The following DGKH variants were observed in gnomAD, a reference collection of about 807,000 sequenced individuals.
The protein encoded by DGKH is diacylglycerol kinase eta.
Under a neutral mutation model 159.3 loss-of-function variants are expected in DGKH, and 90 were observed. That is an observed-to-expected ratio of 0.57 (90% confidence interval 0.48 to 0.67). The LOEUF is 0.67. DGKH is among the 30% of genes least tolerant of loss of function. The probability of loss-of-function intolerance (pLI) is 0.00; values close to 1 mark genes in which losing one functional copy is unlikely to be tolerated. For missense variants in DGKH, 1,181 were observed against 1,506.1 expected (o/e 0.78, Z 3.57); for synonymous variants, 536 against 553.8 (o/e 0.97, Z 0.45).
intron 29 of DGKH, among the ~76,000 whole-genome samples, chr13:42,251,921 G>A (rs574889080): frequency 6.6e-6 from 1 of 152,320 alleles, no homozygotes; most frequent in African/African-American, 2.4e-5. Flanking sequence ...CAGAGAGCAT[G>A]TATTATTCAT....
intron 20 of DGKH, 138 bp downstream of exon 20, chr13:42,200,047 C>T (rs1957310122): frequency 1.5e-6 from 1 of 685,482 alleles, no homozygotes. Flanking sequence ...TGATTATCAA[C>T]TTTGTACTAA....
chr13:42,071,411 C>A (rs1185020417), intron 1 of DGKH, among the ~76,000 whole-genome samples: 1 of 152,182 alleles, frequency 6.6e-6, no homozygotes, highest in Non-Finnish European at 1.5e-5. Flanking sequence ...AAATGACATA[C>A]TATGCACTCA....
chr13:42,095,033 A>G (rs1248234321), intron 1 of DGKH, among the ~76,000 whole-genome samples: 1 of 152,044 alleles, frequency 6.6e-6, no homozygotes, highest in African/African-American at 2.4e-5. Flanking sequence ...TGAAGGGGCC[A>G]TGGAAGGAGC....
At chr13:42,052,126 C>T (rs1881369641) in intron 1 of DGKH, among the ~76,000 whole-genome samples, 1 of 152,160 alleles carries the variant, frequency 6.6e-6, no homozygotes, top group Admixed American at 6.5e-5. Flanking sequence ...TAGGACAATG[C>T]ACTAATCTCA....
chr13:42,214,381 A>G (rs1318278694), intron 24 of DGKH, 126 bp from the exon 25 acceptor site: 4 of 757,048 alleles, frequency 5.3e-6, no homozygotes, highest in Non-Finnish European at 8.0e-6. Context: ...GCAGCCATTA[A>G]AAGTGTTCTT....
At chr13:42,091,963 T>C (rs997509587) in intron 1 of DGKH, among the ~76,000 whole-genome samples, 5 of 152,174 alleles carry the variant, frequency 3.3e-5, no homozygotes, top group African/African-American at 9.7e-5. Context: ...AGTTCTTTTT[T>C]AGTTTTTTGA....
At chr13:42,113,305 C>G (rs1460111435) in intron 1 of DGKH, among the ~76,000 whole-genome samples, 1 of 152,146 alleles carries the variant, frequency 6.6e-6, no homozygotes, top group Non-Finnish European at 1.5e-5. Flanking sequence ...GTACAATAGT[C>G]TTTTAAGCCT....
At chr13:42,132,986 G>T (rs1052938162) in intron 3 of DGKH, among the ~76,000 whole-genome samples, 3 of 151,966 alleles carry the variant, frequency 2.0e-5, no homozygotes, top group African/African-American at 7.2e-5. Flanking sequence ...GGCTAACACG[G>T]TGAAACCCCG....
chr13:42,062,295 C>G (rs543423187), intron 1 of DGKH, among the ~76,000 whole-genome samples: 211 of 152,178 alleles, frequency 1.4e-3, no homozygotes, highest in African/African-American at 4.5e-3. Flanking sequence ...TATTTATATA[C>G]CATTATTTCC....
At chr13:42,172,417 G>T (rs1195696016) in intron 11 of DGKH, among the ~76,000 whole-genome samples, 2 of 152,142 alleles carry the variant, frequency 1.3e-5, no homozygotes, top group Admixed American at 1.3e-4. Flanking sequence ...GGGAAGAGTT[G>T]AATAGTAGCT....
chr13:42,159,443 AG>A, intron 6 of DGKH, 71 bp downstream of exon 6: 1 of 1,075,848 alleles, frequency 9.3e-7, no homozygotes, highest in Non-Finnish European at 1.4e-6. Context: ...GTGGAAGCTG[AG>A]AAAGATAAGT....
At chr13:42,141,730 T>C (rs1955567072) in intron 3 of DGKH, among the ~76,000 whole-genome samples, 1 of 152,210 alleles carries the variant, frequency 6.6e-6, no homozygotes, top group African/African-American at 2.4e-5. Flanking sequence ...ATCCTTCACC[T>C]ACTTTTTGAT....
At chr13:42,055,950 G>A (rs1881726198) in intron 1 of DGKH, among the ~76,000 whole-genome samples, 1 of 152,150 alleles carries the variant, frequency 6.6e-6, no homozygotes, top group Non-Finnish European at 1.5e-5. Flanking sequence ...AAGAGTCTGA[G>A]ACAAACTTTA....
intron 1 of DGKH, among the ~76,000 whole-genome samples, chr13:42,084,647 T>G: frequency 6.6e-6 from 1 of 152,316 alleles, no homozygotes; most frequent in Middle Eastern, 3.4e-3. Flanking sequence ...CTTTATATTT[T>G]TAGAATATAA....
chr13:42,121,000 T>C (rs2137825146), intron 1 of DGKH, among the ~76,000 whole-genome samples: 1 of 152,016 alleles, frequency 6.6e-6, no homozygotes, highest in East Asian at 1.9e-4. Context: ...CCAGAAGTAG[T>C]TTGTTTATGA....
intron 3 of DGKH, among the ~76,000 whole-genome samples, 165 bp from the exon 4 acceptor site, chr13:42,155,126 T>G (rs963171526): frequency 8.5e-5 from 13 of 152,208 alleles, no homozygotes; most frequent in Non-Finnish European, 1.8e-4. Flanking sequence ...GAAAAACTCC[T>G]TAGGCTTTTT....
At chr13:42,182,619 G>A (rs1481295551) in intron 13 of DGKH, among the ~76,000 whole-genome samples, 2 of 152,110 alleles carry the variant, frequency 1.3e-5, no homozygotes, top group Non-Finnish European at 2.9e-5. Flanking sequence ...ACAAAAAAAA[G>A]TCTGCACATA....
chr13:42,170,683 C>T (rs1956430985), intron 11 of DGKH, among the ~76,000 whole-genome samples: 1 of 152,134 alleles, frequency 6.6e-6, no homozygotes. Context: ...TGGCTCACGC[C>T]TGTAATCCCA....
At chr13:42,139,299 T>C (rs576847212) in intron 3 of DGKH, among the ~76,000 whole-genome samples, 1 of 152,372 alleles carries the variant, frequency 6.6e-6, no homozygotes, top group East Asian at 1.9e-4. Context: ...CCAGTGAGCA[T>C]GTCCTCGGTT....
Sources: allele counts gnomAD v4.1 joint callset (sites outside exome capture counted in the v4.1 genomes callset), GRCh38; gene constraint gnomAD v4.1.1; transcripts MANE v1.5; gene names NCBI Gene and HGNC (gene_info 2026-07-23, HGNC 2026-07-21).